Variants in NUDT13 observed in about 807,000 individuals in gnomAD.
The protein encoded by NUDT13 is NAD(P)H pyrophosphatase NUDT13, mitochondrial.
In NUDT13, 40 loss-of-function variants were observed where a neutral mutation model predicts 41.7. That is an observed-to-expected ratio of 0.96 (90% confidence interval 0.75 to 1.25). NUDT13 has a LOEUF of 1.25. Among genes scored for constraint, NUDT13 ranks in the 50% most tolerant of loss-of-function variants. The pLI is 0.00. For missense variants in NUDT13, 390 were observed against 416.1 expected (o/e 0.94, Z 0.55); for synonymous variants, 145 against 155.5 (o/e 0.93, Z 0.50).
intron 2 of NUDT13, among the ~76,000 whole-genome samples, chr10:73,118,719 T>C (rs1414482666): frequency 1.3e-5 from 2 of 152,180 alleles, no homozygotes; most frequent in Non-Finnish European, 2.9e-5. Context: ...CACACACCTG[T>C]AATCCCAGCA....
chr10:73,114,595 GTGTA>G, intron 2 of NUDT13, 147 bp downstream of exon 2: 1 of 253,884 alleles, frequency 3.9e-6, no homozygotes, highest in Admixed American at 5.4e-5. Context: ...ATGTGTGTGT[GTGTA>G]TATATATATA....
chr10:73,111,097 C>T (rs1842354962), intron 1 of NUDT13, among the ~76,000 whole-genome samples: 1 of 151,310 alleles, frequency 6.6e-6, no homozygotes, highest in Admixed American at 6.6e-5. Flanking sequence ...CTGCCTCATA[C>T]TCCCTAGTAG....
intron 5 of NUDT13, 180 bp from the exon 6 acceptor site, chr10:73,124,938 A>T: frequency 1.8e-6 from 1 of 552,210 alleles, no homozygotes; most frequent in Non-Finnish European, 3.0e-6. Context: ...TTCTGATGCT[A>T]GAGGAATATG....
intron 8 of NUDT13, among the ~76,000 whole-genome samples, chr10:73,128,144 T>C (rs961423822): frequency 1.3e-5 from 2 of 152,224 alleles, no homozygotes; most frequent in Non-Finnish European, 2.9e-5. Context: ...TATTCTATTA[T>C]AGTATATACC....
chr10:73,113,852 T>A (rs1411946639), intron 1 of NUDT13, among the ~76,000 whole-genome samples: 1 of 152,208 alleles, frequency 6.6e-6, no homozygotes, highest in Non-Finnish European at 1.5e-5. Flanking sequence ...TTAACTGTAA[T>A]GAATTCTTGA....
intron 8 of NUDT13, 100 bp downstream of exon 8, chr10:73,126,927 C>T: frequency 9.8e-7 from 1 of 1,023,754 alleles, no homozygotes; most frequent in Non-Finnish European, 1.5e-6. Flanking sequence ...CCAGCATCAT[C>T]TAGATTACAT....
intron 1 of NUDT13, among the ~76,000 whole-genome samples, chr10:73,113,133 C>T (rs1353895868): frequency 1.3e-5 from 2 of 152,108 alleles, no homozygotes; most frequent in Non-Finnish European, 2.9e-5. Flanking sequence ...GTGATCCGCC[C>T]GCCTCGGCCT....
intron 2 of NUDT13, among the ~76,000 whole-genome samples, chr10:73,115,643 A>C (rs1842489129): frequency 6.6e-6 from 1 of 152,224 alleles, no homozygotes; most frequent in Admixed American, 6.5e-5. Flanking sequence ...ATGAACAGTA[A>C]GGGAGAAATT....
chr10:73,123,235 T>TA (rs1564651943), intron 4 of NUDT13, among the ~76,000 whole-genome samples: 2 of 152,234 alleles, frequency 1.3e-5, no homozygotes, highest in Non-Finnish European at 2.9e-5. Context: ...TAAGAAATGT[T>TA]AAAAAACTTA....
chr10:73,112,751 T>C (rs1195820360), intron 1 of NUDT13, among the ~76,000 whole-genome samples: 2 of 152,030 alleles, frequency 1.3e-5, no homozygotes, highest in Admixed American at 1.3e-4. Flanking sequence ...TCATCCTAAC[T>C]GAAACTTTGT....
At chr10:73,126,544 GT>G (rs1217842935) in intron 7 of NUDT13, 128 bp from the exon 8 acceptor site, 5 of 1,029,724 alleles carry the variant, frequency 4.9e-6, no homozygotes, top group Non-Finnish European at 7.0e-6. Flanking sequence ...ATGACTCAGA[GT>G]TTTAGGACAC....
intron 3 of NUDT13, 135 bp downstream of exon 3, chr10:73,120,292 T>C (rs928597941): frequency 2.3e-5 from 17 of 739,882 alleles, no homozygotes; most frequent in Non-Finnish European, 6.2e-6. Flanking sequence ...CTCATGCTTG[T>C]ATAACTGCTT....
intron 8 of NUDT13, 94 bp from the exon 9 acceptor site, chr10:73,130,609 G>A (rs1589672860): frequency 9.7e-7 from 1 of 1,033,228 alleles, no homozygotes; most frequent in East Asian, 2.4e-5. Context: ...TTCTAAGATT[G>A]CTTAGTTCTA....
At chr10:73,115,946 G>T (rs1842496465) in intron 2 of NUDT13, among the ~76,000 whole-genome samples, 2 of 152,098 alleles carry the variant, frequency 1.3e-5, no homozygotes, top group Non-Finnish European at 2.9e-5. Context: ...AGTTTTGGGG[G>T]TTAAATTTAT....
chr10:73,125,067 T>C, intron 5 of NUDT13, 51 bp from the exon 6 acceptor site: 1 of 1,555,086 alleles, frequency 6.4e-7, no homozygotes, highest in Non-Finnish European at 8.7e-7. Context: ...CTGTTAAAGA[T>C]GAGCCCCGCA....
At position 73,130,931 on chromosome 10, in the gene NUDT13, T is replaced by G. The variant is rs756623261; in HGVS notation, c.*28T>G. ...CGGATCAAGTCACTTAGATCGCTCC[T>G]TGGTATTCCTGAGGGACAAACTAGA... On this transcript the variant is annotated 3_prime_UTR_variant, in exon 9 of 9. Coordinates refer to ENST00000357321, the MANE Select transcript of NUDT13 (RefSeq NM_015901.6). The G allele has an allele frequency of 1.9e-6, 3 of 1,580,790 alleles. No individual in the cohort carries two copies. Among genetic ancestry groups the G allele is most frequent in the Non-Finnish European group, 2.6e-6 (3 of 1,151,510 alleles).
At position 73,120,084 on chromosome 10, in the gene NUDT13, CCT is replaced by C. The variant is rs772396633; in HGVS notation, c.153_154del (p.Phe52SerfsTer2). 1.2e-6 allele frequency: 2 copies of C among 1,614,172 alleles called. No homozygotes were observed. The highest frequency in any genetic ancestry group is 1.7e-6 in the Non-Finnish European group (2 of 1,180,016). ...KKAQQTGAFY[L>X]FHSLAPLLQT... ...AAGCCCAGCAAACAGGAGCGTTTTA[CCT>C]CTTTCATAGTCTGGCTCCTCTGCTT... On this transcript the variant is annotated frameshift_variant, in exon 3 of 9. Coordinates refer to ENST00000357321, the MANE Select transcript of NUDT13 (RefSeq NM_015901.6). LOFTEE classifies it high-confidence loss of function.
In NUDT13 at chr10:73,126,817, G is replaced by A. The variant is rs772524464; in HGVS notation, c.848G>A (p.Gly283Glu). Residue 283 changes from glycine to glutamate, a missense_variant, in exon 8 of 9, where the codon GGG becomes GAG. Physicochemically the swap from Gly to Glu is moderately conservative, Grantham distance 98. Coordinates refer to ENST00000357321, the MANE Select transcript of NUDT13 (RefSeq NM_015901.6). ...GCTTGCCATGCAACTGTGAAACCAG[G>A]GCAGACAGAAGTAAGTTCTCATCTT... ...MIACHATVKP[G>E]QTEIQVNLRE... 6 of 1,614,032 alleles carry A rather than the reference G, an allele frequency of 3.7e-6. No homozygotes were observed. The Admixed American group carries it at 8.3e-5, about 22-fold the overall frequency.
At position 73,125,493 on chromosome 10, in the gene NUDT13, A is replaced by C. The variant is rs1478604716; in HGVS notation, c.687A>C (p.Ala229=). 1.2e-6 allele frequency: 2 copies of C among 1,600,066 alleles called. No homozygotes were observed. Residue 229 remains alanine, a synonymous_variant, in exon 7 of 9, where the codon GCA becomes GCC. Coordinates refer to ENST00000357321, the MANE Select transcript of NUDT13 (RefSeq NM_015901.6). ...CCAAGGGAATGTATTCTGCCTTGGC[A>C]GGTTTTTGTGATATAGGTGAGGAGT... ...SFPKGMYSAL[A]GFCDIGESVE...
Sources: gnomAD v4.1 joint callset for allele counts (sites outside exome capture counted in the v4.1 genomes callset) on GRCh38, gnomAD v4.1.1 for gene constraint, MANE v1.5 for transcripts, NCBI Gene and HGNC (gene_info 2026-07-23, HGNC 2026-07-21) for gene names.